The following DTL variants were observed in gnomAD, a reference collection of about 807,000 sequenced individuals.
DTL encodes denticleless protein homolog.
Under a neutral mutation model 87.0 loss-of-function variants are expected in DTL, and 46 were observed. The ratio of observed to expected loss-of-function variants is 0.53; its 90% CI spans 0.42 to 0.68. DTL has a LOEUF of 0.68. Among genes scored for constraint, DTL ranks in the 30% least tolerant of loss-of-function variants. The pLI is 0.00. For missense variants in DTL, 737 were observed against 869.4 expected (o/e 0.85, Z 1.91); for synonymous variants, 308 against 311.2 (o/e 0.99, Z 0.11).
At chr1:212,099,865 G>A (rs1655564063) in intron 13 of DTL, among the ~76,000 whole-genome samples, 2 of 152,128 alleles carry the variant, frequency 1.3e-5, no homozygotes. Flanking sequence ...AATTAGTCCT[G>A]CCTCCTATCT....
At chr1:212,063,779 T>A (rs551269203) in intron 6 of DTL, among the ~76,000 whole-genome samples, 60 of 152,186 alleles carry the variant, frequency 3.9e-4, no homozygotes, top group Non-Finnish European at 5.9e-4. Context: ...TCTTGATACA[T>A]ATATAGAACA....
At chr1:212,069,249 C>T (rs768060966) in intron 10 of DTL, among the ~76,000 whole-genome samples, 21 of 151,950 alleles carry the variant, frequency 1.4e-4, no homozygotes, top group Non-Finnish European at 3.1e-4. Context: ...CCAAGTTTCT[C>T]AAGCATGCTT....
chr1:212,037,943 A>T (rs1667536047), intron 1 of DTL, among the ~76,000 whole-genome samples: 1 of 152,188 alleles, frequency 6.6e-6, no homozygotes, highest in South Asian at 2.1e-4. Flanking sequence ...TTTTACAATG[A>T]TTTGTATTCA....
intron 5 of DTL, among the ~76,000 whole-genome samples, chr1:212,054,792 CAAA>C (rs756328781): frequency 2.9e-5 from 2 of 68,530 alleles, no homozygotes; most frequent in Non-Finnish European, 5.2e-5. Flanking sequence ...GACACCACCT[CAAA>C]AAAAAAAAAA....
In DTL at chr1:212,095,259, T is replaced by C. The variant is rs114844108; in HGVS notation, c.1262-4993T>C. 4.3e-3 allele frequency among the ~76,000 whole-genome samples: 653 copies of C among 152,304 alleles called. 3 individuals carry two copies. The highest frequency in any genetic ancestry group is 0.015 in the African/African-American group (622 of 41,568). ...ATGGATGGCTTTTATTACCTTCAAGTATGTTCCTTCTATGCTGATTTTGCT... is the reference window on the plus strand; with the variant it reads ...ATGGATGGCTTTTATTACCTTCAAGCATGTTCCTTCTATGCTGATTTTGCT... On this transcript the variant is annotated intron_variant, in intron 13 of 14. Coordinates refer to ENST00000366991, the MANE Select transcript of DTL (RefSeq NM_016448.4).
At position 212,080,603 on chromosome 1, in the gene DTL, A is replaced by G. The variant is rs774420803; in HGVS notation, c.1126-12A>G. ...GAAATTTCTTAATTCCCTTCTTGGT[A>G]CTCCCTCTTAGATTGCTACCTGTTC... On this transcript the variant is annotated splice_polypyrimidine_tract_variant and intron_variant, in intron 12 of 14. Coordinates refer to ENST00000366991, the MANE Select transcript of DTL (RefSeq NM_016448.4). The G allele has an allele frequency of 1.9e-6, 3 of 1,602,048 alleles. No individual in the cohort carries two copies. The highest frequency in any genetic ancestry group is 2.2e-5 in the East Asian group (1 of 44,774).
chr1:212,054,263 C>T (rs1668093166), intron 5 of DTL, among the ~76,000 whole-genome samples: 1 of 152,150 alleles, frequency 6.6e-6, no homozygotes, highest in South Asian at 2.1e-4. Context: ...TCCCCATCCC[C>T]TCACTCTCTG....
chr1:212,043,712 C>G (rs1667724451), intron 2 of DTL, among the ~76,000 whole-genome samples: 1 of 151,930 alleles, frequency 6.6e-6, no homozygotes, highest in Admixed American at 6.6e-5. Flanking sequence ...CCCCTGTAAT[C>G]CCAGCTACTT....
Position 212,090,914 on chromosome 1 carries a change from G to C in DTL, c.1262-9338G>C, listed in dbSNP as rs534353460. On this transcript the variant is annotated intron_variant, in intron 13 of 14. Transcript: ENST00000366991. ...AGTCACATAGTAAGTGATTGTGCCAGGTTTTAGATCTGTGCATTCCTGTTT... is the reference window on the plus strand; with the variant it reads ...AGTCACATAGTAAGTGATTGTGCCACGTTTTAGATCTGTGCATTCCTGTTT... 4.9e-4 allele frequency among the ~76,000 whole-genome samples: 74 copies of C among 152,342 alleles called. 1 individual carries two copies. The South Asian group carries it at 0.012, about 25-fold the overall frequency.
In DTL at chr1:212,080,690, G is replaced by A. The variant is rs777543021; in HGVS notation, c.1201G>A (p.Asp401Asn). The A allele has an allele frequency of 2.5e-6, 4 of 1,613,718 alleles. No homozygotes were observed. In the South Asian group the frequency reaches 3.3e-5, roughly 13 times the overall value. Residue 401 changes from aspartate (D) to asparagine (N), a missense_variant, in exon 13 of 15, where the codon GAT (aspartate) becomes AAT (asparagine). Physicochemically the swap from Asp to Asn is conservative, Grantham distance 23 (BLOSUM62 1). Coordinates refer to ENST00000366991, the MANE Select transcript of DTL (RefSeq NM_016448.4). ...NRGLEEKPGG[D>N]KLSTVGWASQ... ...AGGCTTAGAGGAGAAACCAGGAGGT[G>A]ATAAACTTTCCACGGTGGGTTGGGC...
At chr1:212,046,845 A>G (rs1667821880) in intron 3 of DTL, among the ~76,000 whole-genome samples, 1 of 152,186 alleles carries the variant, frequency 6.6e-6, no homozygotes, top group South Asian at 2.1e-4. Context: ...TTCTGGTTCT[A>G]GGTCTTTGAG....
chr1:212,049,763 T>A (rs913832959), intron 5 of DTL, among the ~76,000 whole-genome samples: 2 of 152,254 alleles, frequency 1.3e-5, no homozygotes, highest in Non-Finnish European at 2.9e-5. Flanking sequence ...TCTGGCCTCC[T>A]GGGCAAAGTG....
chr1:212,083,589 A>G (rs1655045297), intron 13 of DTL, among the ~76,000 whole-genome samples: 1 of 152,216 alleles, frequency 6.6e-6, no homozygotes. Context: ...GGTAAAGAAT[A>G]AGTGGCTTAG....
intron 7 of DTL, among the ~76,000 whole-genome samples, chr1:212,066,502 T>C (rs1349901607): frequency 6.6e-6 from 1 of 152,188 alleles, no homozygotes; most frequent in Non-Finnish European, 1.5e-5. Context: ...GTTAAATAAG[T>C]TTCCTAAGGA....
At chr1:212,101,935 G>A (rs1042187799) in intron 14 of DTL, among the ~76,000 whole-genome samples, 11 of 152,180 alleles carry the variant, frequency 7.2e-5, no homozygotes, top group Admixed American at 1.3e-4. Flanking sequence ...ATGTGAAGGG[G>A]AGATGGGTTA....
intron 13 of DTL, among the ~76,000 whole-genome samples, chr1:212,083,831 C>T (rs989877599): frequency 6.6e-6 from 1 of 152,152 alleles, no homozygotes; most frequent in Non-Finnish European, 1.5e-5. Context: ...AAACACACAA[C>T]CTTGTGGAAT....
intron 13 of DTL, among the ~76,000 whole-genome samples, chr1:212,099,220 T>TTTTG (rs138191220): frequency 0.077 from 11,727 of 151,340 alleles, 519 homozygotes; most frequent in African/African-American, 0.1. Flanking sequence ...TCACACTGTT[T>TTTTG]TTTGTTTGTT....
intron 5 of DTL, among the ~76,000 whole-genome samples, chr1:212,054,095 G>C (rs1048712695): frequency 6.6e-6 from 1 of 152,094 alleles, no homozygotes; most frequent in Non-Finnish European, 1.5e-5. Flanking sequence ...CCTACAGGAG[G>C]GCAGTGGATC....
In DTL at chr1:212,081,149, A is replaced by C. The variant is rs528523643; in HGVS notation, c.1261+399A>C. ...ACAATAAGGGCTTAGGAATAAAGGA[A>C]ATAGGAAAGGGAGAAGGGCAAGGGT... is the stretch of plus-strand genomic sequence containing the variant. On this transcript the variant is annotated intron_variant, in intron 13 of 14. Coordinates refer to ENST00000366991, the MANE Select transcript of DTL (RefSeq NM_016448.4). Among the ~76,000 whole-genome samples, 58 of 152,346 alleles carry C rather than the reference A, an allele frequency of 3.8e-4. No individual in the cohort carries two copies. The South Asian group carries it at 0.012, about 30-fold the overall frequency.
Sources: gnomAD v4.1 joint callset for allele counts (sites outside exome capture counted in the v4.1 genomes callset) on GRCh38, gnomAD v4.1.1 for gene constraint, MANE v1.5 for transcripts, NCBI Gene and HGNC (gene_info 2026-07-23, HGNC 2026-07-21) for gene names.